Variants in CAST observed in about 807,000 individuals in gnomAD.
CAST encodes MIR583 host.
A neutral mutation model predicts 119.6 loss-of-function variants in CAST; 76 were observed. The ratio of observed to expected loss-of-function variants is 0.64; its 90% confidence interval spans 0.53 to 0.77. CAST has a LOEUF of 0.77. Ranked by LOEUF, CAST falls within the 30% of genes least tolerant of loss-of-function variation. The probability of loss-of-function intolerance (pLI) is 0.00; values close to 1 mark genes in which losing one functional copy is unlikely to be tolerated. For synonymous variants in CAST, 319 were observed against 331.6 expected, an observed-to-expected ratio of 0.96 and a Z score of 0.41; for missense variants, 953 against 946.5, an observed-to-expected ratio of 1.01 and a Z score of -0.09.
chr5:96,198,908 A>G, the CAST span, among the ~76,000 whole-genome samples: 5 of 152,012 alleles, frequency 3.3e-5, no homozygotes, highest in African/African-American at 1.2e-4. Flanking sequence ...TGTCATGTCC[A>G]TTTTTCATGT....
At chr5:96,634,420 G>A (rs1274673864) in intron 1 of CAST, among the ~76,000 whole-genome samples, 1 of 152,184 alleles carries the variant, frequency 6.6e-6, no homozygotes, top group Non-Finnish European at 1.5e-5. Flanking sequence ...ATTCACATAT[G>A]TTAGTTTTTC....
chr5:96,664,645 G>T (rs542722361), intron 1 of CAST, among the ~76,000 whole-genome samples: 1 of 152,146 alleles, frequency 6.6e-6, no homozygotes, highest in Non-Finnish European at 1.5e-5. Flanking sequence ...TTTTCAACCT[G>T]TTTTCACATG....
At chr5:96,166,201 C>T in the CAST span, among the ~76,000 whole-genome samples, 1 of 152,124 alleles carries the variant, frequency 6.6e-6, no homozygotes, top group African/African-American at 2.4e-5. Flanking sequence ...GAGCACAGAC[C>T]ACAGTAAATG....
the CAST span, among the ~76,000 whole-genome samples, chr5:95,996,263 A>T: frequency 1.3e-5 from 2 of 152,170 alleles, no homozygotes; most frequent in East Asian, 1.9e-4. Context: ...CAGCATCTAC[A>T]TTCAGCCAGT....
the CAST span, among the ~76,000 whole-genome samples, chr5:96,179,481 G>A: frequency 6.6e-6 from 1 of 152,172 alleles, no homozygotes; most frequent in Non-Finnish European, 1.5e-5. Flanking sequence ...TTTGACCACT[G>A]TGCTAATACA....
chr5:96,616,564 G>A (rs1487659932), intron 1 of CAST, among the ~76,000 whole-genome samples: 1 of 152,054 alleles, frequency 6.6e-6, no homozygotes, highest in Non-Finnish European at 1.5e-5. Context: ...ATTCTCTGAG[G>A]TAGGCACTGG....
chr5:96,489,685 A>G, the CAST span, among the ~76,000 whole-genome samples: 21,850 of 151,968 alleles, frequency 0.14, 1,823 homozygotes, highest in African/African-American at 0.21. Flanking sequence ...ATCAAAAACC[A>G]CAGCTGTCTA....
At position 96,726,409 on chromosome 5, in the gene CAST, TGGG is replaced by T. The variant is rs1759252018; in HGVS notation, c.271-381_271-379del. On this transcript the variant is annotated intron_variant, in intron 4 of 31. Coordinates refer to ENST00000675179, the MANE Select transcript of CAST (RefSeq NM_001750.7). ...TCCATGCACTAAATATTTACAATTTTGGGGGGATTATGTTGACAGAATTTCATA... is the reference window on the plus strand; with the variant it reads ...TCCATGCACTAAATATTTACAATTTTGGGATTATGTTGACAGAATTTCATA... Among the ~76,000 whole-genome samples the T allele has an allele frequency of 2.0e-5, 3 of 152,152 alleles. No individual in the cohort carries two copies. In the South Asian group the frequency reaches 6.2e-4, roughly 32 times the overall value.
At chr5:96,451,435 G>T in the CAST span, among the ~76,000 whole-genome samples, 855 of 152,298 alleles carry the variant, frequency 5.6e-3, 9 homozygotes, top group Non-Finnish European at 7.9e-3. Context: ...AAATTGGCTA[G>T]CCATATGTGG....
chr5:96,221,544 G>A, the CAST span, among the ~76,000 whole-genome samples: 3 of 152,014 alleles, frequency 2.0e-5, no homozygotes, highest in South Asian at 2.1e-4. Context: ...AGGAATAAAC[G>A]TAACCAAGGC....
the CAST span, among the ~76,000 whole-genome samples, chr5:96,473,899 A>G: frequency 6.6e-6 from 1 of 152,218 alleles, no homozygotes; most frequent in Non-Finnish European, 1.5e-5. Context: ...ACTGAAACTC[A>G]GAGGAAGAGT....
the CAST span, among the ~76,000 whole-genome samples, chr5:96,029,765 C>T: frequency 2.0e-4 from 31 of 152,138 alleles, no homozygotes; most frequent in African/African-American, 7.5e-4. Flanking sequence ...AATTAAAATA[C>T]TTTATAATAT....
intron 1 of CAST, among the ~76,000 whole-genome samples, chr5:96,575,557 A>C (rs540181355): frequency 3.3e-5 from 5 of 152,254 alleles, no homozygotes; most frequent in Non-Finnish European, 5.9e-5. Context: ...CTATCTATCA[A>C]AATGTGGTAA....
chr5:96,426,965 T>A, the CAST span, among the ~76,000 whole-genome samples: 1 of 152,232 alleles, frequency 6.6e-6, no homozygotes, highest in Non-Finnish European at 1.5e-5. Context: ...TTAAAGTGCT[T>A]GTATTTTCAA....
the CAST span, among the ~76,000 whole-genome samples, chr5:96,032,616 A>G: frequency 6.6e-6 from 1 of 152,118 alleles, no homozygotes; most frequent in East Asian, 1.9e-4. Flanking sequence ...GAATTTTCCA[A>G]ACATTGTGCC....
the CAST span, among the ~76,000 whole-genome samples, chr5:96,413,864 A>G: frequency 0.29 from 42,498 of 147,536 alleles, 7,241 homozygotes; most frequent in Admixed American, 0.42. Context: ...TCACGCCTGT[A>G]ATCCCAGCAC....
At chr5:96,442,723 C>A in the CAST span, among the ~76,000 whole-genome samples, 2 of 152,212 alleles carry the variant, frequency 1.3e-5, no homozygotes, top group African/African-American at 4.8e-5. Context: ...CAAACTTCTA[C>A]AGGTACCCTT....
chr5:96,053,391 T>G, the CAST span, among the ~76,000 whole-genome samples: 1 of 152,236 alleles, frequency 6.6e-6, no homozygotes, highest in Non-Finnish European at 1.5e-5. Flanking sequence ...TGTGACACTC[T>G]TTTGGCACCT....
At chr5:96,610,511 A>T (rs1747341432) in intron 1 of CAST, among the ~76,000 whole-genome samples, 1 of 152,222 alleles carries the variant, frequency 6.6e-6, no homozygotes, top group South Asian at 2.1e-4. Flanking sequence ...CATCAAAGGA[A>T]CATACCTCAA....
Sources: allele counts gnomAD v4.1 joint callset (sites outside exome capture counted in the v4.1 genomes callset), GRCh38; gene constraint gnomAD v4.1.1; transcripts MANE v1.5; gene names NCBI Gene and HGNC (gene_info 2026-07-23, HGNC 2026-07-21).